VPS54: variants seen among roughly 807,000 people sequenced by gnomAD.
VPS54 encodes VPS54 subunit of GARP complex, also known as vacuolar protein sorting-associated protein 54.
VPS54 carries 45 observed loss-of-function variants against 121.5 expected under a neutral mutation model. The ratio of observed to expected loss-of-function variants is 0.37; its 90% CI spans 0.29 to 0.47. The LOEUF is 0.47. Ranked by LOEUF, VPS54 falls within the 20% of genes least tolerant of loss-of-function variation. The probability of loss-of-function intolerance (pLI) is 0.99; values close to 1 mark genes in which losing one functional copy is unlikely to be tolerated. For missense variants in VPS54, 1,090 were observed against 1,131.4 expected, an observed-to-expected ratio of 0.96 and a Z score of 0.52; for synonymous variants, 371 against 385.8, an observed-to-expected ratio of 0.96 and a Z score of 0.45.
At chr2:63,910,334 C>T (rs1009560604) in intron 20 of VPS54, among the ~76,000 whole-genome samples, 3 of 152,114 alleles carry the variant, frequency 2.0e-5, no homozygotes, top group African/African-American at 7.2e-5. Flanking sequence ...TGGCCATATT[C>T]TTCAACGGGT....
intron 12 of VPS54, among the ~76,000 whole-genome samples, chr2:63,926,499 A>G (rs1673909038): frequency 6.6e-6 from 1 of 152,228 alleles, no homozygotes. Context: ...TACATAAAGT[A>G]CTGAGCTGAC....
intron 7 of VPS54, among the ~76,000 whole-genome samples, chr2:63,961,464 AT>A (rs1675766958): frequency 6.6e-6 from 1 of 152,190 alleles, no homozygotes; most frequent in Admixed American, 6.5e-5. Context: ...TTCTACAAGG[AT>A]ACTGCAAGCC....
At chr2:63,930,156 C>A (rs149129148) in intron 12 of VPS54, among the ~76,000 whole-genome samples, 2,677 of 152,284 alleles carry the variant, frequency 0.018, 34 homozygotes, top group Non-Finnish European at 0.022. Context: ...CACCCTAACT[C>A]ATTTTATGAG....
At chr2:63,952,392 G>A (rs1382790206) in intron 7 of VPS54, among the ~76,000 whole-genome samples, 1 of 152,068 alleles carries the variant, frequency 6.6e-6, no homozygotes, top group Admixed American at 6.6e-5. Flanking sequence ...TTGAGGGGCA[G>A]TTTTAAAACA....
At position 63,966,746 on chromosome 2, in the gene VPS54, C is replaced by A. The variant is rs796678645; in HGVS notation, c.493-780G>T. On this transcript the variant is annotated intron_variant, in intron 5 of 22. Transcript: ENST00000272322. The stretch of plus-strand genomic sequence containing the variant: ...CAAAACCCTTCATTGTTTTTCTGGA[C>A]CCACTTACCTCTTTGTATCTTGTCA... Among the ~76,000 whole-genome samples, 6 of 152,328 alleles carry A rather than the reference C, an allele frequency of 3.9e-5. 1 individual carries two copies. The highest frequency in any genetic ancestry group is 1.4e-4 in the African/African-American group (6 of 41,580).
chr2:64,011,710 G>A (rs1294452648), intron 1 of VPS54, among the ~76,000 whole-genome samples: 5 of 152,096 alleles, frequency 3.3e-5, no homozygotes, highest in South Asian at 2.1e-4. Flanking sequence ...CCACTGATAC[G>A]ATTGTATTAC....
intron 15 of VPS54, 101 bp downstream of exon 15, chr2:63,919,782 G>C (rs1026028066): frequency 1.6e-5 from 12 of 746,298 alleles, no homozygotes; most frequent in Admixed American, 3.5e-5. Context: ...ATTGGTTCTA[G>C]CTTTGAAATA....
intron 8 of VPS54, among the ~76,000 whole-genome samples, chr2:63,948,119 C>T (rs951171786): frequency 4.6e-5 from 7 of 152,150 alleles, no homozygotes. Flanking sequence ...GCCTGACCCA[C>T]TGCACCTCAC....
rs1003801891 is a variant in VPS54, at chr2:64,019,403, C to T, written c.-486G>A. Reference sequence around the variant, plus strand: ...GGGTGCGGGGAGACAGCGCCGGAGGCCGCCGCAGCCCCCAGCCCACAATCC... The same window carrying T: ...GGGTGCGGGGAGACAGCGCCGGAGGTCGCCGCAGCCCCCAGCCCACAATCC... On this transcript the variant is annotated 5_prime_UTR_variant, in exon 1 of 23. Coordinates refer to ENST00000272322, the MANE Select transcript of VPS54 (RefSeq NM_016516.3). Among the ~76,000 whole-genome samples the T allele has an allele frequency of 6.6e-6, 1 of 151,154 alleles. No homozygotes were observed. Among genetic ancestry groups the T allele is most frequent in the Non-Finnish European group, 1.5e-5 (1 of 67,742 alleles).
intron 9 of VPS54, among the ~76,000 whole-genome samples, chr2:63,946,398 T>A (rs1483170691): frequency 3.3e-5 from 5 of 152,134 alleles, no homozygotes; most frequent in Admixed American, 1.3e-4. Context: ...GGTGCATACC[T>A]AGGAATAGAA....
chr2:63,940,912 G>T (rs540354433), intron 11 of VPS54, among the ~76,000 whole-genome samples: 2 of 152,328 alleles, frequency 1.3e-5, no homozygotes, highest in South Asian at 4.1e-4. Context: ...TCTATAGGTA[G>T]GATCAACATT....
intron 4 of VPS54, among the ~76,000 whole-genome samples, chr2:63,970,858 C>G (rs1254485823): frequency 3.3e-5 from 5 of 152,106 alleles, no homozygotes; most frequent in Admixed American, 3.3e-4. Context: ...GGCAATCTCA[C>G]CCAACGTCCT....
At chr2:63,963,025 T>A (rs1256831418) in intron 6 of VPS54, among the ~76,000 whole-genome samples, 1 of 152,146 alleles carries the variant, frequency 6.6e-6, no homozygotes, top group African/African-American at 2.4e-5. Flanking sequence ...TATCTCTGAC[T>A]GAAAAACTGA....
rs746627543 is a variant in VPS54, at chr2:63,992,428, G to T, written c.-20-8409C>A. ...CTCCGTCTCCGTCCAAAACATGAAG[G>T]GATTACTAAACCCCTCCCAATTACT... On this transcript the variant is annotated intron_variant, in intron 1 of 22. Transcript: ENST00000272322. 6.0e-4 allele frequency among the ~76,000 whole-genome samples: 92 copies of T among 152,142 alleles called. 5 individuals are homozygous for T. Among genetic ancestry groups the T allele is most frequent in the Admixed American group, 3.3e-4 (5 of 15,266 alleles).
intron 1 of VPS54, among the ~76,000 whole-genome samples, chr2:64,011,847 T>G (rs1032938353): frequency 1.3e-5 from 2 of 152,172 alleles, no homozygotes; most frequent in Non-Finnish European, 2.9e-5. Flanking sequence ...AGAATAAATA[T>G]GTCTCAAATA....
chr2:63,940,898 ACTAT>A (rs1309745513), intron 11 of VPS54, among the ~76,000 whole-genome samples: 18 of 152,338 alleles, frequency 1.2e-4, no homozygotes, highest in South Asian at 4.1e-4. Context: ...TGTGTCTGTC[ACTAT>A]CTATAGGTAG....
At chr2:63,903,608 G>A (rs1488585839) in intron 20 of VPS54, among the ~76,000 whole-genome samples, 1 of 152,088 alleles carries the variant, frequency 6.6e-6, no homozygotes, top group Non-Finnish European at 1.5e-5. Context: ...GAAGTAAAAT[G>A]TATGACAATA....
intron 7 of VPS54, among the ~76,000 whole-genome samples, chr2:63,949,686 G>T (rs1405332172): frequency 1.3e-5 from 2 of 152,164 alleles, no homozygotes; most frequent in Non-Finnish European, 2.9e-5. Flanking sequence ...GAGAGGAGAG[G>T]TTGGTCTTGC....
intron 1 of VPS54, among the ~76,000 whole-genome samples, chr2:64,000,516 AC>A (rs1449883429): frequency 6.6e-6 from 1 of 152,148 alleles, no homozygotes; most frequent in African/African-American, 2.4e-5. Context: ...ACTTATCTGT[AC>A]CTGTCCTTCC....
Sources: gnomAD v4.1 joint callset for allele counts (sites outside exome capture counted in the v4.1 genomes callset) on GRCh38, gnomAD v4.1.1 for gene constraint, MANE v1.5 for transcripts, NCBI Gene and HGNC (gene_info 2026-07-23, HGNC 2026-07-21) for gene names.